The following KDM2A variants were observed in gnomAD, a reference collection of about 807,000 sequenced individuals.
KDM2A encodes the protein lysine demethylase 2A, also known as lysine-specific demethylase 2A.
In KDM2A, 3 loss-of-function variants were observed where a neutral mutation model predicts 137.3. The ratio of observed to expected loss-of-function variants is 0.02; its 90% CI spans 0.01 to 0.06. The LOEUF is 0.06. KDM2A is among the 10% of genes least tolerant of loss of function. The pLI is 1.00. For missense variants in KDM2A, 738 were observed against 1,510.6 expected (o/e 0.49, Z 8.48); for synonymous variants, 512 against 541.5 (o/e 0.95, Z 0.76).
intron 5 of KDM2A, among the ~76,000 whole-genome samples, chr11:67,186,021 C>G (rs1358223946): frequency 6.6e-6 from 1 of 151,768 alleles, no homozygotes; most frequent in Non-Finnish European, 1.5e-5. Flanking sequence ...ACTAAGCAGA[C>G]CAACATACAC....
intron 2 of KDM2A, among the ~76,000 whole-genome samples, chr11:67,130,599 A>G (rs964485162): frequency 4.6e-5 from 7 of 152,224 alleles, no homozygotes; most frequent in African/African-American, 1.7e-4. Context: ...CATTATGTAT[A>G]TCATGTAGAT....
At chr11:67,198,223 CTAT>C (rs1195203491) in intron 5 of KDM2A, among the ~76,000 whole-genome samples, 1 of 152,014 alleles carries the variant, frequency 6.6e-6, no homozygotes, top group South Asian at 2.1e-4. Context: ...TAAATGTTAG[CTAT>C]TACTTTGACC....
chr11:67,135,305 C>A (rs1194658787), intron 2 of KDM2A, among the ~76,000 whole-genome samples: 1 of 152,138 alleles, frequency 6.6e-6, no homozygotes, highest in Non-Finnish European at 1.5e-5. Context: ...TGACCTCGTT[C>A]CACCTGCCTC....
chr11:67,166,017 G>A (rs1441639415), intron 2 of KDM2A, among the ~76,000 whole-genome samples: 1 of 152,068 alleles, frequency 6.6e-6, no homozygotes, highest in Non-Finnish European at 1.5e-5. Context: ...ATAAAAGGTG[G>A]TGAAGAAACT....
At chr11:67,157,156 A>C (rs1226265800) in intron 2 of KDM2A, among the ~76,000 whole-genome samples, 3 of 151,562 alleles carry the variant, frequency 2.0e-5, no homozygotes, top group African/African-American at 7.3e-5. Context: ...TACTAAAAAT[A>C]CAAAAAATTA....
intron 10 of KDM2A, among the ~76,000 whole-genome samples, chr11:67,220,162 C>T (rs1164272182): frequency 6.6e-6 from 1 of 152,064 alleles, no homozygotes; most frequent in East Asian, 1.9e-4. Flanking sequence ...CAGGCACACG[C>T]CACCACATGC....
intron 17 of KDM2A, among the ~76,000 whole-genome samples, chr11:67,251,615 C>A (rs1367034537): frequency 6.6e-6 from 1 of 152,212 alleles, no homozygotes; most frequent in Admixed American, 6.5e-5. Context: ...TCAGGACCCT[C>A]ATAGGCCTCT....
intron 12 of KDM2A, among the ~76,000 whole-genome samples, chr11:67,241,626 C>T (rs150408128): frequency 2.0e-5 from 3 of 152,322 alleles, no homozygotes; most frequent in African/African-American, 7.2e-5. Flanking sequence ...CCATCCTGTA[C>T]ATACATACCT....
At chr11:67,123,275 C>CTTTTTTTTT (rs575165830) in intron 2 of KDM2A, among the ~76,000 whole-genome samples, 3 of 71,474 alleles carry the variant, frequency 4.2e-5, no homozygotes, top group Non-Finnish European at 8.2e-5. Flanking sequence ...CAGTACCTGG[C>CTTTTTTTTT]TTTTTTTTTT....
intron 12 of KDM2A, among the ~76,000 whole-genome samples, chr11:67,238,088 TATA>T (rs1027599211): frequency 7.2e-5 from 11 of 152,222 alleles, no homozygotes; most frequent in Non-Finnish European, 1.2e-4. Flanking sequence ...TAAAGTTACA[TATA>T]ATTATTTTAA....
Position 67,245,979 on chromosome 11 carries a change from T to C in KDM2A, c.1834-6T>C. On this transcript the variant is annotated splice_region_variant and splice_polypyrimidine_tract_variant and intron_variant, in intron 14 of 20. Coordinates refer to ENST00000529006, the MANE Select transcript of KDM2A (RefSeq NM_012308.3). The surrounding 1 kb of genome is among the most constrained non-coding windows in gnomAD (Gnocchi z 4.1). ...TCTCTTGGATTCTATCTTTGTCCTC[T>C]TGTAGCCCAGACTGCCTCACTCAGT... 2 of 1,613,922 alleles carry C rather than the reference T, an allele frequency of 1.2e-6. No homozygotes were observed. Among genetic ancestry groups the C allele is most frequent in the Non-Finnish European group, 1.7e-6 (2 of 1,179,818 alleles).
intron 2 of KDM2A, among the ~76,000 whole-genome samples, chr11:67,123,435 T>G (rs1424038283): frequency 6.6e-6 from 1 of 152,158 alleles, no homozygotes; most frequent in East Asian, 1.9e-4. Flanking sequence ...TCTCTAACTT[T>G]GTAGAAATTA....
At chr11:67,235,393 C>T (rs1345849759) in intron 12 of KDM2A, among the ~76,000 whole-genome samples, 12 of 151,184 alleles carry the variant, frequency 7.9e-5, no homozygotes, top group Admixed American at 7.9e-4. Flanking sequence ...CAACCTCCAC[C>T]TCCCAGGTTC....
chr11:67,242,596 G>A (rs980122100), intron 12 of KDM2A, among the ~76,000 whole-genome samples: 17 of 152,212 alleles, frequency 1.1e-4, no homozygotes, highest in African/African-American at 3.9e-4. Flanking sequence ...TTGTTTCAGT[G>A]TGTTAGTATA....
At chr11:67,148,486 T>C (rs1856307510) in intron 2 of KDM2A, among the ~76,000 whole-genome samples, 2 of 152,060 alleles carry the variant, frequency 1.3e-5, no homozygotes, top group African/African-American at 4.8e-5. Flanking sequence ...GTATCAATCA[T>C]ATCTTTTTTC....
At chr11:67,182,937 T>A (rs949388301) in intron 5 of KDM2A, among the ~76,000 whole-genome samples, 2 of 152,250 alleles carry the variant, frequency 1.3e-5, no homozygotes, top group African/African-American at 4.8e-5. Context: ...TCCTCTGTAC[T>A]AAAGCTCCAG....
intron 2 of KDM2A, among the ~76,000 whole-genome samples, chr11:67,159,453 T>A (rs1189421476): frequency 6.6e-6 from 1 of 152,190 alleles, no homozygotes; most frequent in Non-Finnish European, 1.5e-5. Context: ...ATCTAGAAGA[T>A]TAGATTCATC....
chr11:67,180,872 G>A (rs1857076997), intron 3 of KDM2A, among the ~76,000 whole-genome samples: 2 of 151,474 alleles, frequency 1.3e-5, no homozygotes, highest in South Asian at 4.2e-4. Flanking sequence ...ATGTTGGCCA[G>A]GCTGGTCTCG....
At chr11:67,123,784 C>G (rs940333007) in intron 2 of KDM2A, among the ~76,000 whole-genome samples, 1 of 151,884 alleles carries the variant, frequency 6.6e-6, no homozygotes, top group African/African-American at 2.4e-5. Context: ...TCAAGTGATT[C>G]TCTTGTCTCA....
Sources: gnomAD v4.1 joint callset for allele counts (sites outside exome capture counted in the v4.1 genomes callset) on GRCh38, gnomAD v4.1.1 for gene constraint, Gnocchi (gnomAD v3.1) non-coding constraint, MANE v1.5 for transcripts, NCBI Gene and HGNC (gene_info 2026-07-23, HGNC 2026-07-21) for gene names.